The following LDLRAD3 variants were observed in gnomAD, a reference collection of about 807,000 sequenced individuals.
The protein encoded by LDLRAD3 is low density lipoprotein receptor class A domain containing 3, also known as low-density lipoprotein receptor class A domain-containing protein 3.
LDLRAD3 carries 20 observed loss-of-function variants against 29.4 expected under a neutral mutation model. The ratio of observed to expected loss-of-function variants is 0.68; its 90% CI spans 0.48 to 0.99. LDLRAD3 has a LOEUF of 0.99. Among genes scored for constraint, LDLRAD3 ranks in the 50% least tolerant of loss-of-function variants. LDLRAD3 has a pLI of 0.00. For synonymous variants in LDLRAD3, 157 were observed against 192.7 expected, an observed-to-expected ratio of 0.81 and a Z score of 1.53; for missense variants, 420 against 454.3, an observed-to-expected ratio of 0.92 and a Z score of 0.69.
chr11:36,092,953 C>A (rs992280719), intron 3 of LDLRAD3, among the ~76,000 whole-genome samples: 4 of 152,140 alleles, frequency 2.6e-5, no homozygotes, highest in African/African-American at 4.8e-5. Flanking sequence ...TTCTGCCCTG[C>A]AAAGGATGGG....
At chr11:36,099,053 A>C (rs957916611) in intron 4 of LDLRAD3, among the ~76,000 whole-genome samples, 3 of 151,462 alleles carry the variant, frequency 2.0e-5, no homozygotes, top group African/African-American at 7.3e-5. Flanking sequence ...AAATGCTTTC[A>C]TTTGCATTTC....
intron 3 of LDLRAD3, among the ~76,000 whole-genome samples, chr11:36,093,522 A>G (rs1192779206): frequency 6.6e-6 from 1 of 152,104 alleles, no homozygotes; most frequent in Non-Finnish European, 1.5e-5. Context: ...AATATAGTAC[A>G]GTACATAGCC....
chr11:35,959,298 A>G (rs1476938055), intron 1 of LDLRAD3, among the ~76,000 whole-genome samples: 1 of 152,186 alleles, frequency 6.6e-6, no homozygotes, highest in Non-Finnish European at 1.5e-5. Context: ...CTCCTATTCT[A>G]GAAAAGTGTC....
At chr11:36,009,705 A>G (rs1851930944) in intron 1 of LDLRAD3, among the ~76,000 whole-genome samples, 3 of 152,340 alleles carry the variant, frequency 2.0e-5, no homozygotes, top group African/African-American at 4.8e-5. Flanking sequence ...CAGAAATTCA[A>G]TCCATGCAGA....
chr11:36,002,847 G>C (rs11033367), intron 1 of LDLRAD3, among the ~76,000 whole-genome samples: 2,597 of 152,304 alleles, frequency 0.017, 85 homozygotes, highest in African/African-American at 0.059. Flanking sequence ...TAATAAGGTG[G>C]CATTTATGCC....
chr11:36,014,331 G>A (rs542559227), intron 1 of LDLRAD3, among the ~76,000 whole-genome samples: 1 of 152,330 alleles, frequency 6.6e-6, no homozygotes, highest in Non-Finnish European at 1.5e-5. Context: ...GCATGGAGCT[G>A]TGTACTAAAT....
At chr11:36,133,039 G>C (rs1853949219) in intron 4 of LDLRAD3, among the ~76,000 whole-genome samples, 1 of 152,196 alleles carries the variant, frequency 6.6e-6, no homozygotes, top group South Asian at 2.1e-4. Flanking sequence ...CTCTTGTCTA[G>C]TGTTTGGCCC....
At chr11:35,969,709 G>A (rs553642215) in intron 1 of LDLRAD3, among the ~76,000 whole-genome samples, 1 of 152,318 alleles carries the variant, frequency 6.6e-6, no homozygotes, top group Non-Finnish European at 1.5e-5. Flanking sequence ...GCAGCCAGAT[G>A]TTGGAACCAG....
intron 4 of LDLRAD3, among the ~76,000 whole-genome samples, chr11:36,218,185 G>A (rs1855378306): frequency 6.6e-6 from 1 of 152,180 alleles, no homozygotes; most frequent in Non-Finnish European, 1.5e-5. Context: ...GCATGGTGGT[G>A]ATGGTTGTTA....
chr11:36,139,282 C>G (rs1854045777), intron 4 of LDLRAD3, among the ~76,000 whole-genome samples: 1 of 152,218 alleles, frequency 6.6e-6, no homozygotes, highest in Non-Finnish European at 1.5e-5. Context: ...GGGGCAGACC[C>G]AACTTAACAT....
In LDLRAD3 at chr11:36,081,734, A is replaced by G; in HGVS notation, c.275A>G (p.Asn92Ser). 1.2e-6 allele frequency: 2 copies of G among 1,614,190 alleles called. No individual in the cohort carries two copies. The highest frequency in any genetic ancestry group is 1.7e-6 in the Non-Finnish European group (2 of 1,180,022). ...IHCIIGRFRC[N>S]GFEDCPDGSD... Reference sequence around the variant, plus strand: ...TGCATCATTGGTCGCTTCCGGTGCAATGGGTTTGAGGACTGTCCCGATGGC... The same window carrying G: ...TGCATCATTGGTCGCTTCCGGTGCAGTGGGTTTGAGGACTGTCCCGATGGC... The change falls in exon 3 of 6, where the codon AAT becomes AGT. Residue 92 changes from asparagine to serine, a missense_variant. Around this residue, in one of 3 missense-constraint regions of LDLRAD3, gnomAD observed 224 missense variants for 222.2 expected, o/e 1.01. Transcript: ENST00000315571.
In LDLRAD3 at chr11:35,976,083, G is replaced by A. The variant is rs555437747; in HGVS notation, c.46+31939G>A. Among the ~76,000 whole-genome samples, 4 of 152,186 alleles carry A rather than the reference G, an allele frequency of 2.6e-5. No individual in the cohort carries two copies. The South Asian group carries it at 6.2e-4, about 24-fold the overall frequency. On this transcript the variant is annotated intron_variant, in intron 1 of 5. Transcript: ENST00000315571. Reference sequence around the variant, plus strand: ...GGAGGGGTCTCATTTTCCTAGGAGTGTAGGGTGCTGAAAGGAAGGATAGGG... The same window carrying A: ...GGAGGGGTCTCATTTTCCTAGGAGTATAGGGTGCTGAAAGGAAGGATAGGG...
At chr11:35,993,386 T>G (rs1475515639) in intron 1 of LDLRAD3, among the ~76,000 whole-genome samples, 2 of 152,210 alleles carry the variant, frequency 1.3e-5, no homozygotes, top group Non-Finnish European at 2.9e-5. Context: ...TTGCCCTGGC[T>G]GAGCGAGGAG....
chr11:35,991,988 G>A (rs1396981211), intron 1 of LDLRAD3, among the ~76,000 whole-genome samples: 2 of 151,740 alleles, frequency 1.3e-5, no homozygotes, highest in African/African-American at 4.8e-5. Flanking sequence ...GATGATGCAG[G>A]AATTTACATC....
At chr11:36,145,283 T>C (rs201600411) in intron 4 of LDLRAD3, among the ~76,000 whole-genome samples, 5,506 of 54,384 alleles carry the variant, frequency 0.1, 431 homozygotes, top group African/African-American at 0.2. Flanking sequence ...CCCGGCCAGC[T>C]GCCCCATCCG....
chr11:36,118,021 T>C (rs1159558684), intron 4 of LDLRAD3, among the ~76,000 whole-genome samples: 1 of 152,044 alleles, frequency 6.6e-6, no homozygotes, highest in African/African-American at 2.4e-5. Context: ...TGGAAAAATG[T>C]GGGGCTGAGA....
intron 4 of LDLRAD3, among the ~76,000 whole-genome samples, chr11:36,182,900 G>A (rs774879018): frequency 6.6e-6 from 1 of 152,206 alleles, no homozygotes; most frequent in African/African-American, 2.4e-5. Context: ...TTAAACACAT[G>A]CAGAGCCTGA....
At chr11:36,118,385 G>A (rs921278656) in intron 4 of LDLRAD3, among the ~76,000 whole-genome samples, 2 of 151,976 alleles carry the variant, frequency 1.3e-5, no homozygotes, top group Non-Finnish European at 2.9e-5. Context: ...ATTAACTTAT[G>A]GTGTAGTGAT....
At chr11:36,090,608 A>G (rs1405002503) in intron 3 of LDLRAD3, among the ~76,000 whole-genome samples, 1 of 152,150 alleles carries the variant, frequency 6.6e-6, no homozygotes, top group Non-Finnish European at 1.5e-5. Context: ...GAAACAGACT[A>G]CCATTAGCAA....
Sources: allele counts gnomAD v4.1 joint callset (sites outside exome capture counted in the v4.1 genomes callset), GRCh38; gene constraint gnomAD v4.1.1; regional missense constraint gnomAD v4.1.1; transcripts MANE v1.5; gene names NCBI Gene and HGNC (gene_info 2026-07-23, HGNC 2026-07-21).